Variants in XKR4 observed in about 807,000 individuals in gnomAD.
XKR4 encodes the protein XK-related protein 4.
A neutral mutation model predicts 53.9 loss-of-function variants in XKR4; 12 were observed. That is an observed-to-expected ratio of 0.22 (90% CI 0.14 to 0.36). The LOEUF (loss-of-function observed/expected upper bound fraction) is 0.36, where lower values mean the gene tolerates loss of function less well. Ranked by LOEUF, XKR4 falls within the 10% of genes least tolerant of loss-of-function variation. The pLI, the probability that XKR4 is intolerant of heterozygous loss-of-function variation, is 1.00. For missense variants in XKR4, 799 were observed against 859.5 expected (o/e 0.93, Z 0.88); for synonymous variants, 354 against 362.4 (o/e 0.98, Z 0.26).
At chr8:55,292,333 T>C (rs919217925) in intron 1 of XKR4, among the ~76,000 whole-genome samples, 1 of 152,136 alleles carries the variant, frequency 6.6e-6, no homozygotes, top group African/African-American at 2.4e-5. Context: ...CAATTTTTCT[T>C]AAAGTTATAG....
intron 1 of XKR4, among the ~76,000 whole-genome samples, chr8:55,289,105 A>G (rs1183430765): frequency 6.6e-6 from 1 of 152,200 alleles, no homozygotes; most frequent in Non-Finnish European, 1.5e-5. Context: ...ACTATTATGA[A>G]TAAAGCTGTC....
Position 55,527,526 on chromosome 8 carries a change from C to T in XKR4, c.*3299C>T, listed in dbSNP as rs1806895504. On this transcript the variant is annotated 3_prime_UTR_variant, in exon 3 of 3. Coordinates refer to ENST00000327381, the MANE Select transcript of XKR4 (RefSeq NM_052898.2). ...ATAATGTGTGTGTGTGTATCTTAAC[C>T]ATAGTGACACTTTAAGTGTTTGTGT... is the stretch of plus-strand genomic sequence containing the variant. The T allele has an allele frequency of 6.6e-6, 1 of 152,068 alleles. No homozygotes were observed. Among genetic ancestry groups the T allele is most frequent in the South Asian group, 2.1e-4 (1 of 4,822 alleles). 9.4% of individuals were successfully genotyped at this position (152,068 alleles called of 1,614,324 possible). A position where few individuals can be genotyped will look rare whatever the true frequency, so the allele number is the denominator to read the frequency against.
chr8:55,512,615 A>G (rs1310155726), intron 2 of XKR4, among the ~76,000 whole-genome samples: 1 of 152,216 alleles, frequency 6.6e-6, no homozygotes, highest in South Asian at 2.1e-4. Context: ...CTAGGGAACG[A>G]TGTTTGTGTC....
chr8:55,335,056 C>T (rs1324431137), intron 1 of XKR4, among the ~76,000 whole-genome samples: 1 of 152,120 alleles, frequency 6.6e-6, no homozygotes, highest in African/African-American at 2.4e-5. Flanking sequence ...GCTATTAACT[C>T]TGGAAAAATT....
chr8:55,333,015 C>T (rs1023013055), intron 1 of XKR4, among the ~76,000 whole-genome samples: 6 of 151,708 alleles, frequency 4.0e-5, no homozygotes, highest in Non-Finnish European at 1.5e-5. Flanking sequence ...GTTGAACCCT[C>T]TGGTGAATTT....
At chr8:55,438,019 T>C (rs1185758007) in intron 2 of XKR4, among the ~76,000 whole-genome samples, 1 of 149,740 alleles carries the variant, frequency 6.7e-6, no homozygotes, top group African/African-American at 2.5e-5. Flanking sequence ...ACAAGATGAA[T>C]AGATTAAAAC....
At chr8:55,222,834 G>T in intron 1 of XKR4, among the ~76,000 whole-genome samples, 1 of 151,492 alleles carries the variant, frequency 6.6e-6, no homozygotes, top group Non-Finnish European at 1.5e-5. Context: ...TAAAGGAGGG[G>T]ATTTTTTTTT....
In XKR4 at chr8:55,533,086, A is replaced by C. The variant is rs971066380; in HGVS notation, c.*8859A>C. On this transcript the variant is annotated 3_prime_UTR_variant, in exon 3 of 3. Transcript: ENST00000327381. ...TCAAGAAGTTCCAAAACACTACTAAATGTGTTGAAAATATAGTTTGAGTTT... is the reference window on the plus strand; with the variant it reads ...TCAAGAAGTTCCAAAACACTACTAACTGTGTTGAAAATATAGTTTGAGTTT... The C allele has an allele frequency of 3.3e-5, 5 of 152,216 alleles. No individual in the cohort carries two copies. Among genetic ancestry groups the C allele is most frequent in the Non-Finnish European group, 4.4e-5 (3 of 68,030 alleles). 9.4% of individuals were successfully genotyped at this position (152,216 alleles called of 1,614,324 possible). A position where few individuals can be genotyped will look rare whatever the true frequency, so the allele number is the denominator to read the frequency against.
At chr8:55,126,114 AAAAG>A (rs1425349591) in intron 1 of XKR4, among the ~76,000 whole-genome samples, 2 of 152,216 alleles carry the variant, frequency 1.3e-5, no homozygotes, top group African/African-American at 2.4e-5. Context: ...ATTAATTAAT[AAAAG>A]AAAGAAGGAA....
intron 1 of XKR4, among the ~76,000 whole-genome samples, chr8:55,162,877 A>G (rs554543635): frequency 8.5e-5 from 13 of 152,368 alleles, no homozygotes; most frequent in African/African-American, 3.1e-4. Flanking sequence ...TGAATTCTAC[A>G]GAATATCTGA....
At chr8:55,446,194 A>G (rs1286478160) in intron 2 of XKR4, among the ~76,000 whole-genome samples, 1 of 152,168 alleles carries the variant, frequency 6.6e-6, no homozygotes, top group Non-Finnish European at 1.5e-5. Context: ...CAACTCAACC[A>G]TCACGTGGAG....
chr8:55,455,246 C>CGCGGCGGCCGCAGCG (rs1316560610), intron 2 of XKR4: 1 of 183,488 alleles, frequency 5.4e-6, no homozygotes, highest in Non-Finnish European at 1.1e-5. Flanking sequence ...GGGTTCGCTC[C>CGCGGCGGCCGCAGCG]GCGGCGGCCG....
At chr8:55,487,232 G>A (rs1401616472) in intron 2 of XKR4, among the ~76,000 whole-genome samples, 1 of 152,150 alleles carries the variant, frequency 6.6e-6, no homozygotes, top group African/African-American at 2.4e-5. Flanking sequence ...AGTGAGCCTG[G>A]AGTTCTGATG....
rs1333414653 is a variant in XKR4, at chr8:55,302,828, A to T, written c.807-54850A>T. Reference sequence around the variant, plus strand: ...TTAGTGGTGTATAAGAATGCTTGTGATTTTTGTACAATGATTTTGTATCCT... The same window carrying T: ...TTAGTGGTGTATAAGAATGCTTGTGTTTTTTGTACAATGATTTTGTATCCT... On this transcript the variant is annotated intron_variant, in intron 1 of 2. Transcript: ENST00000327381. Among the ~76,000 whole-genome samples, 7 of 152,078 alleles carry T rather than the reference A, an allele frequency of 4.6e-5. 1 individual carries two copies. Among genetic ancestry groups the T allele is most frequent in the Admixed American group, 2.6e-4 (4 of 15,274 alleles).
chr8:55,211,067 G>C (rs1410823837), intron 1 of XKR4, among the ~76,000 whole-genome samples: 1 of 152,134 alleles, frequency 6.6e-6, no homozygotes, highest in African/African-American at 2.4e-5. Context: ...TCCCTTATCT[G>C]TGCCTGCAAC....
chr8:55,268,670 G>A (rs1311649985), intron 1 of XKR4, among the ~76,000 whole-genome samples: 2 of 152,076 alleles, frequency 1.3e-5, no homozygotes, highest in Middle Eastern at 3.2e-3. Context: ...CAGCATCAAC[G>A]TTTGTTGGGC....
At chr8:55,379,320 A>C (rs2129387267) in intron 2 of XKR4, among the ~76,000 whole-genome samples, 1 of 152,300 alleles carries the variant, frequency 6.6e-6, no homozygotes, top group South Asian at 2.1e-4. Flanking sequence ...CCATCCCCCA[A>C]TACCAAAAAA....
chr8:55,116,909 C>T (rs1202374321), intron 1 of XKR4, among the ~76,000 whole-genome samples: 1 of 152,072 alleles, frequency 6.6e-6, no homozygotes, highest in African/African-American at 2.4e-5. Context: ...CACCTGTGTC[C>T]GCTGAGCACT....
chr8:55,378,429 T>C (rs1482077087), intron 2 of XKR4, among the ~76,000 whole-genome samples: 1 of 152,216 alleles, frequency 6.6e-6, no homozygotes, highest in African/African-American at 2.4e-5. Flanking sequence ...TCCATTGTGC[T>C]TTGGGGAACA....
Sources: allele counts gnomAD v4.1 joint callset (sites outside exome capture counted in the v4.1 genomes callset), GRCh38; gene constraint gnomAD v4.1.1; transcripts MANE v1.5; gene names NCBI Gene and HGNC (gene_info 2026-07-23, HGNC 2026-07-21).